FGF10: variants seen among roughly 807,000 people sequenced by gnomAD.
FGF10 encodes fibroblast growth factor 10.
Under a neutral mutation model 19.8 loss-of-function variants are expected in FGF10, and 2 were observed. The observed-to-expected ratio is 0.10, with a 90% confidence interval of 0.04 to 0.32. The LOEUF is 0.32. Among genes scored for constraint, FGF10 ranks in the 10% least tolerant of loss-of-function variants. The pLI is 1.00. For synonymous variants in FGF10, 112 were observed against 94.0 expected (o/e 1.19, Z -1.10); for missense variants, 191 against 246.3 (o/e 0.78, Z 1.50).
chr5:44,323,977 T>G (rs1266200745), intron 1 of FGF10, among the ~76,000 whole-genome samples: 1 of 152,104 alleles, frequency 6.6e-6, no homozygotes, highest in Non-Finnish European at 1.5e-5. Flanking sequence ...GAATAGTAAG[T>G]GGATAAAAAT....
At position 44,325,449 on chromosome 5, in the gene FGF10, G is replaced by A. The variant is rs540038530; in HGVS notation, c.326-14919C>T. Among the ~76,000 whole-genome samples, 41 of 151,992 alleles carry A rather than the reference G, an allele frequency of 2.7e-4. No homozygotes were observed. In the South Asian group the frequency reaches 7.3e-3, roughly 27 times the overall value. On this transcript the variant is annotated intron_variant, in intron 1 of 2. Coordinates refer to ENST00000264664, the MANE Select transcript of FGF10 (RefSeq NM_004465.2). ...ACACATGCACACGTATGTTTATTGC[G>A]GCACTATTCACAATAGCAAAGACTT...
At chr5:44,339,609 T>C (rs1561206870) in intron 1 of FGF10, among the ~76,000 whole-genome samples, 1 of 152,158 alleles carries the variant, frequency 6.6e-6, no homozygotes, top group African/African-American at 2.4e-5. Flanking sequence ...ATGAGGCCCA[T>C]ACTGAGAAAT....
At chr5:44,355,948 T>G (rs999598856) in intron 1 of FGF10, among the ~76,000 whole-genome samples, 1 of 151,454 alleles carries the variant, frequency 6.6e-6, no homozygotes, top group Non-Finnish European at 1.5e-5. Flanking sequence ...CAATTCTTAG[T>G]GTCAGGAAAA....
At chr5:44,384,873 A>G (rs368006358) in intron 1 of FGF10, among the ~76,000 whole-genome samples, 3 of 151,990 alleles carry the variant, frequency 2.0e-5, no homozygotes, top group African/African-American at 7.2e-5. Context: ...ATCTATTCTT[A>G]ATTGTCTCAA....
intron 1 of FGF10, among the ~76,000 whole-genome samples, chr5:44,353,195 A>G (rs1741273829): frequency 6.6e-6 from 1 of 151,630 alleles, no homozygotes. Flanking sequence ...CCCAATGCAT[A>G]GTCCATAGTC....
At chr5:44,347,899 T>G (rs550048884) in intron 1 of FGF10, among the ~76,000 whole-genome samples, 1 of 151,828 alleles carries the variant, frequency 6.6e-6, no homozygotes, top group East Asian at 1.9e-4. Context: ...CAACTGTTTT[T>G]AGTGTCTATA....
chr5:44,337,474 C>A (rs184825933), intron 1 of FGF10, among the ~76,000 whole-genome samples: 5 of 152,152 alleles, frequency 3.3e-5, no homozygotes, highest in Admixed American at 1.3e-4. Context: ...GGAAACCATA[C>A]CATCATTACC....
chr5:44,368,212 C>G (rs2111876481), intron 1 of FGF10, among the ~76,000 whole-genome samples: 1 of 152,156 alleles, frequency 6.6e-6, no homozygotes. Flanking sequence ...TATTTCTATT[C>G]TATCTATAAT....
chr5:44,351,867 C>G (rs973762226), intron 1 of FGF10, among the ~76,000 whole-genome samples: 5 of 151,644 alleles, frequency 3.3e-5, no homozygotes, highest in Admixed American at 6.6e-5. Context: ...CGTGCACACA[C>G]ATCTAGAGTT....
chr5:44,366,376 T>A (rs1318364029), intron 1 of FGF10, among the ~76,000 whole-genome samples: 1 of 151,900 alleles, frequency 6.6e-6, no homozygotes, highest in Non-Finnish European at 1.5e-5. Flanking sequence ...ATATGTGACA[T>A]CTGAAATAAC....
At chr5:44,323,304 T>C (rs894914575) in intron 1 of FGF10, among the ~76,000 whole-genome samples, 1 of 152,166 alleles carries the variant, frequency 6.6e-6, no homozygotes, top group African/African-American at 2.4e-5. Flanking sequence ...CAGTATTTTG[T>C]AGGAAATGTT....
intron 2 of FGF10, among the ~76,000 whole-genome samples, chr5:44,305,587 G>C (rs1466263185): frequency 6.6e-6 from 1 of 151,900 alleles, no homozygotes; most frequent in East Asian, 1.9e-4. Context: ...GGGCCCCATG[G>C]GAAAAAATAG....
intron 1 of FGF10, among the ~76,000 whole-genome samples, chr5:44,358,029 G>T (rs953798380): frequency 6.6e-6 from 1 of 151,378 alleles, no homozygotes; most frequent in African/African-American, 2.4e-5. Context: ...GGAGTCTTGA[G>T]GGGGGCAAGG....
chr5:44,307,044 C>A (rs1740092790), intron 2 of FGF10, among the ~76,000 whole-genome samples: 1 of 152,012 alleles, frequency 6.6e-6, no homozygotes, highest in Non-Finnish European at 1.5e-5. Context: ...TAATGAAGGA[C>A]TGAGATTGTT....
chr5:44,332,873 A>C (rs1339581778), intron 1 of FGF10, among the ~76,000 whole-genome samples: 3 of 152,026 alleles, frequency 2.0e-5, no homozygotes, highest in African/African-American at 4.8e-5. Context: ...GGAGGAGGAG[A>C]GAAAAGGGCA....
At chr5:44,355,338 G>T (rs571651190) in intron 1 of FGF10, among the ~76,000 whole-genome samples, 2 of 151,320 alleles carry the variant, frequency 1.3e-5, no homozygotes, top group South Asian at 2.1e-4. Flanking sequence ...TTGTACATAG[G>T]TTAAACATCT....
intron 1 of FGF10, among the ~76,000 whole-genome samples, chr5:44,371,641 T>C (rs1741744029): frequency 6.6e-6 from 1 of 152,136 alleles, no homozygotes; most frequent in South Asian, 2.1e-4. Flanking sequence ...AGGTTCTGTA[T>C]CAAACAACCA....
intron 1 of FGF10, among the ~76,000 whole-genome samples, chr5:44,330,445 C>T (rs553108075): frequency 2.6e-5 from 4 of 152,312 alleles, no homozygotes; most frequent in Non-Finnish European, 4.4e-5. Flanking sequence ...CAGATCCAAG[C>T]CTTTTGGCAT....
intron 1 of FGF10, among the ~76,000 whole-genome samples, chr5:44,370,496 C>T (rs1324021827): frequency 6.6e-6 from 1 of 152,060 alleles, no homozygotes; most frequent in Non-Finnish European, 1.5e-5. Flanking sequence ...GAGCCCCATT[C>T]CTAATTGCAC....
Sources: allele counts gnomAD v4.1 joint callset (sites outside exome capture counted in the v4.1 genomes callset), GRCh38; gene constraint gnomAD v4.1.1; transcripts MANE v1.5; gene names NCBI Gene and HGNC (gene_info 2026-07-23, HGNC 2026-07-21).